The following RP1 variants were observed in gnomAD, a reference collection of about 807,000 sequenced individuals.
RP1 encodes the protein RP1 axonemal microtubule associated.
A neutral mutation model predicts 14.8 loss-of-function variants in RP1; 16 were observed. The ratio of observed to expected loss-of-function variants is 1.08; its 90% confidence interval spans 0.73 to 1.65. The LOEUF (loss-of-function observed/expected upper bound fraction) is 1.65. RP1 is among the 40% of genes most tolerant of loss of function. RP1 has a pLI of 0.00. For missense variants in RP1, 2,631 were observed against 2,535.0 expected (o/e 1.04, Z -0.81); for synonymous variants, 876 against 883.6 (o/e 0.99, Z 0.15).
chr8:54,740,530 T>C (rs1480786678), intron 19 of RP1, among the ~76,000 whole-genome samples: 1 of 151,368 alleles, frequency 6.6e-6, no homozygotes, highest in East Asian at 1.9e-4. Flanking sequence ...AAGACCAGCC[T>C]GACCAACATA....
At chr8:54,824,620 G>A (rs942819957) in intron 24 of RP1, among the ~76,000 whole-genome samples, 2 of 152,098 alleles carry the variant, frequency 1.3e-5, no homozygotes, top group South Asian at 4.1e-4. Context: ...ATGGGAAACC[G>A]CAGACTAATT....
At chr8:54,862,769 TC>T (rs1419356364) in intron 27 of RP1, among the ~76,000 whole-genome samples, 4 of 152,032 alleles carry the variant, frequency 2.6e-5, no homozygotes, top group Non-Finnish European at 4.4e-5. Flanking sequence ...GCATATGACT[TC>T]CGGCCACATT....
In RP1 at chr8:54,671,664, A is replaced by C. The variant is rs549875892; in HGVS notation, c.1324-2186A>C. 2.0e-5 allele frequency among the ~76,000 whole-genome samples: 3 copies of C among 152,156 alleles called. No homozygotes were observed. The East Asian group carries it at 5.8e-4, about 29-fold the overall frequency. On this transcript the variant is annotated intron_variant, in intron 7 of 22. Coordinates refer to the RP1 transcript ENST00000636932. ...CACTAATTATATTAACAGCTGTAGA[A>C]TTTCTGTTTTGTTCTTTCTTATAGT...
At chr8:54,658,886 T>G (rs1360590468) in intron 6 of RP1, among the ~76,000 whole-genome samples, 3 of 142,378 alleles carry the variant, frequency 2.1e-5, no homozygotes, top group African/African-American at 8.4e-5. Flanking sequence ...CAACACTTGT[T>G]TTTTTTTTTT....
At chr8:54,810,139 C>T (rs898538907) in intron 24 of RP1, among the ~76,000 whole-genome samples, 1 of 152,080 alleles carries the variant, frequency 6.6e-6, no homozygotes, top group African/African-American at 2.4e-5. Context: ...AAAAAATAAA[C>T]ATAATTACAT....
intron 11 of RP1, chr8:54,679,746 CT>C (rs1305018198): frequency 2.0e-6 from 3 of 1,525,196 alleles, no homozygotes; most frequent in Non-Finnish European, 2.6e-6. Flanking sequence ...GCAATTTCTT[CT>C]CTTTGTTTCT....
chr8:54,661,091 A>C (rs922916625), intron 6 of RP1, among the ~76,000 whole-genome samples: 1 of 151,056 alleles, frequency 6.6e-6, no homozygotes, highest in African/African-American at 2.4e-5. Flanking sequence ...AGTCAGGTGG[A>C]TCTCTTGAGT....
At chr8:54,658,127 T>A (rs1308048637) in intron 6 of RP1, among the ~76,000 whole-genome samples, 1 of 152,238 alleles carries the variant, frequency 6.6e-6, no homozygotes, top group Non-Finnish European at 1.5e-5. Flanking sequence ...CTACTTTCTG[T>A]TTCTATGATT....
chr8:54,724,660 TTTGGTAC>T (rs1204749941), intron 16 of RP1, among the ~76,000 whole-genome samples: 1 of 152,168 alleles, frequency 6.6e-6, no homozygotes, highest in East Asian at 1.9e-4. Context: ...GGAGGGTCAC[TTTGGTAC>T]TTGGCTTTTG....
chr8:54,819,225 TG>T (rs1371626091), intron 24 of RP1, among the ~76,000 whole-genome samples: 1 of 151,958 alleles, frequency 6.6e-6, no homozygotes, highest in Non-Finnish European at 1.5e-5. Context: ...TTCTTCTGCT[TG>T]ATCAGTTCAG....
At chr8:54,695,019 G>T (rs561356302) in intron 12 of RP1, among the ~76,000 whole-genome samples, 2 of 152,088 alleles carry the variant, frequency 1.3e-5, no homozygotes, top group East Asian at 3.9e-4. Context: ...GGTATGTTGC[G>T]TCTTTGTTCT....
At chr8:54,769,714 T>C (rs1200983790) in intron 22 of RP1, 2 of 1,413,058 alleles carry the variant, frequency 1.4e-6, no homozygotes, top group East Asian at 2.5e-5. Flanking sequence ...CCTCTCTCTT[T>C]CTTTCTCTCT....
At chr8:54,652,799 G>A (rs1395925419) in exon 5 of RP1, 1 of 1,535,716 alleles carries the variant, frequency 6.5e-7, no homozygotes, top group South Asian at 1.2e-5. Context: ...GGAGACATTG[G>A]AGCACTCTTT....
At chr8:54,659,387 TA>T (rs1406935508) in intron 6 of RP1, among the ~76,000 whole-genome samples, 7 of 152,208 alleles carry the variant, frequency 4.6e-5, no homozygotes, top group African/African-American at 1.7e-4. Flanking sequence ...AATACATTTT[TA>T]GTCAATATCT....
At chr8:54,814,470 A>G (rs1811086634) in intron 24 of RP1, among the ~76,000 whole-genome samples, 1 of 152,222 alleles carries the variant, frequency 6.6e-6, no homozygotes, top group Admixed American at 6.5e-5. Context: ...AGAGAACAAG[A>G]AGCCATAATG....
exon 18 of RP1, chr8:54,734,601 G>A (rs911864049): frequency 6.5e-7 from 1 of 1,535,562 alleles, no homozygotes; most frequent in South Asian, 1.2e-5. Flanking sequence ...TGAATGGAAG[G>A]TGTTAGTGCT....
intron 19 of RP1, among the ~76,000 whole-genome samples, chr8:54,749,358 A>G (rs1004486659): frequency 6.6e-6 from 1 of 151,954 alleles, no homozygotes; most frequent in East Asian, 1.9e-4. Context: ...AAAAACAAGT[A>G]GAATACAAAT....
intron 24 of RP1, among the ~76,000 whole-genome samples, chr8:54,795,885 G>T (rs981367731): frequency 6.6e-6 from 1 of 152,024 alleles, no homozygotes; most frequent in African/African-American, 2.4e-5. Flanking sequence ...CTACTCTTAG[G>T]TTACAGTTTT....
At chr8:54,632,967 G>T (rs1406763949), downstream of RP1, among the ~76,000 whole-genome samples, 1 of 152,106 alleles carries the variant, frequency 6.6e-6, no homozygotes, top group African/African-American at 2.4e-5. Context: ...GTCCCAAGGT[G>T]GAGTGGTGAA....
Sources: gnomAD v4.1 joint callset for allele counts (sites outside exome capture counted in the v4.1 genomes callset) on GRCh38, gnomAD v4.1.1 for gene constraint, MANE v1.5 for transcripts, NCBI Gene and HGNC (gene_info 2026-07-23, HGNC 2026-07-21) for gene names.